The following GRM1 variants were observed in gnomAD, a reference collection of about 807,000 sequenced individuals.
GRM1 encodes the protein metabotropic glutamate receptor 1.
In GRM1, 33 loss-of-function variants were observed where a neutral mutation model predicts 90.9. The ratio of observed to expected loss-of-function variants is 0.36; its 90% confidence interval spans 0.28 to 0.49. The LOEUF (loss-of-function observed/expected upper bound fraction) is 0.49, where lower values mean the gene tolerates loss of function less well. GRM1 is among the 20% of genes least tolerant of loss of function. GRM1 has a pLI of 0.99. For missense variants in GRM1, 1,190 were observed against 1,534.3 expected (o/e 0.78, Z 3.75); for synonymous variants, 700 against 613.2 (o/e 1.14, Z -2.09).
intron 2 of GRM1, among the ~76,000 whole-genome samples, chr6:146,161,140 G>A (rs551261286): frequency 6.6e-6 from 1 of 152,194 alleles, no homozygotes; most frequent in African/African-American, 2.4e-5. Flanking sequence ...ACTGCTTTTA[G>A]GAAGGTTGCT....
intron 2 of GRM1, among the ~76,000 whole-genome samples, chr6:146,268,939 A>T (rs1782014265): frequency 1.3e-5 from 2 of 152,210 alleles, no homozygotes; most frequent in African/African-American, 4.8e-5. Context: ...CCAGAAATAA[A>T]CCCACACACT....
intron 2 of GRM1, among the ~76,000 whole-genome samples, chr6:146,268,372 T>C (rs914310363): frequency 6.6e-6 from 1 of 152,210 alleles, no homozygotes. Context: ...TCCAAAGGCT[T>C]TCTTAATTCC....
At chr6:146,206,372 C>G (rs1779493085) in intron 2 of GRM1, among the ~76,000 whole-genome samples, 1 of 152,024 alleles carries the variant, frequency 6.6e-6, no homozygotes, top group South Asian at 2.1e-4. Context: ...AGTTGCTATC[C>G]CAGGCCTGGG....
At chr6:146,214,141 A>T (rs1171659725) in intron 2 of GRM1, among the ~76,000 whole-genome samples, 2 of 152,154 alleles carry the variant, frequency 1.3e-5, no homozygotes, top group Non-Finnish European at 2.9e-5. Context: ...CAGTCCTCTC[A>T]GACTCATAAG....
At chr6:146,114,246 T>C (rs934843117) in intron 1 of GRM1, among the ~76,000 whole-genome samples, 2 of 152,198 alleles carry the variant, frequency 1.3e-5, no homozygotes, top group East Asian at 3.8e-4. Context: ...TAGAATCTAT[T>C]AAATAGGCAA....
intron 1 of GRM1, among the ~76,000 whole-genome samples, chr6:146,121,898 T>G (rs1217544639): frequency 6.6e-6 from 1 of 152,210 alleles, no homozygotes; most frequent in Admixed American, 6.5e-5. Context: ...CTGAGAAGAA[T>G]GTATATTCTG....
intron 1 of GRM1, among the ~76,000 whole-genome samples, chr6:146,107,290 T>G (rs1361269111): frequency 6.6e-6 from 1 of 151,754 alleles, no homozygotes; most frequent in Non-Finnish European, 1.5e-5. Flanking sequence ...ATAAAATAAA[T>G]AGAAACATCC....
chr6:146,047,043 G>A (rs1226447193), intron 1 of GRM1, among the ~76,000 whole-genome samples: 1 of 151,998 alleles, frequency 6.6e-6, no homozygotes, highest in African/African-American at 2.4e-5. Context: ...TGAGTAAGGT[G>A]CTAACAGGTA....
Position 146,115,249 on chromosome 6 carries a change from T to C in GRM1, c.701-44099T>C, listed in dbSNP as rs534119407. On this transcript the variant is annotated intron_variant, in intron 1 of 7. Coordinates refer to ENST00000282753, the MANE Select transcript of GRM1 (RefSeq NM_001278064.2). ...ACACACACACACACACACACACACA[T>C]ATATATACATATACTATACATGTAC... Among the ~76,000 whole-genome samples the C allele has an allele frequency of 3.6e-3, 534 of 150,292 alleles. 3 individuals are homozygous for C. Among genetic ancestry groups the C allele is most frequent in the African/African-American group, 0.012 (493 of 40,700 alleles).
intron 1 of GRM1, among the ~76,000 whole-genome samples, chr6:146,102,984 T>G (rs993467515): frequency 1.3e-5 from 2 of 152,172 alleles, no homozygotes; most frequent in African/African-American, 2.4e-5. Context: ...GATACCTCAG[T>G]TTTTTCAAAT....
intron 1 of GRM1, among the ~76,000 whole-genome samples, chr6:146,119,288 G>A (rs1367678623): frequency 1.3e-5 from 2 of 152,098 alleles, no homozygotes; most frequent in Admixed American, 6.5e-5. Context: ...TGATGGGGTT[G>A]TTTGTTTTTT....
intron 7 of GRM1, among the ~76,000 whole-genome samples, chr6:146,408,390 T>C (rs1429928875): frequency 1.3e-5 from 2 of 152,156 alleles, no homozygotes; most frequent in Non-Finnish European, 2.9e-5. Context: ...TTAACTTCTA[T>C]GTGTTTCAGT....
At chr6:146,068,251 C>CT (rs1775914287) in intron 1 of GRM1, among the ~76,000 whole-genome samples, 1 of 152,012 alleles carries the variant, frequency 6.6e-6, no homozygotes, top group Admixed American at 6.6e-5. Context: ...GTAGCTGGGA[C>CT]TACAGGCGCC....
At chr6:146,074,220 G>T (rs1422472846) in intron 1 of GRM1, among the ~76,000 whole-genome samples, 1 of 152,138 alleles carries the variant, frequency 6.6e-6, no homozygotes. Flanking sequence ...CTCCTCCCTA[G>T]CATGGGGTTG....
chr6:146,052,663 A>G (rs1775336401), intron 1 of GRM1, among the ~76,000 whole-genome samples: 2 of 152,058 alleles, frequency 1.3e-5, no homozygotes, highest in South Asian at 4.1e-4. Context: ...TCCAGCTGAA[A>G]TCCACTTTCT....
At chr6:146,140,113 CT>C (rs1554272189) in intron 1 of GRM1, among the ~76,000 whole-genome samples, 1 of 116,002 alleles carries the variant, frequency 8.6e-6, no homozygotes, top group Non-Finnish European at 1.8e-5. Context: ...TTCTTTCTTT[CT>C]TTCTTTCTTT....
chr6:146,361,246 C>A (rs1280206629), intron 5 of GRM1, among the ~76,000 whole-genome samples: 1 of 152,120 alleles, frequency 6.6e-6, no homozygotes, highest in East Asian at 1.9e-4. Flanking sequence ...AGAGAGACAG[C>A]AAGAGATGAC....
intron 2 of GRM1, among the ~76,000 whole-genome samples, chr6:146,194,253 T>G (rs780109031): frequency 4.6e-5 from 7 of 152,186 alleles, no homozygotes; most frequent in Non-Finnish European, 1.0e-4. Context: ...TTTCTCCTTT[T>G]TAGAGTCTTC....
intron 1 of GRM1, among the ~76,000 whole-genome samples, chr6:146,157,343 CAG>C (rs1227367003): frequency 1.3e-5 from 2 of 152,238 alleles, no homozygotes; most frequent in Admixed American, 6.5e-5. Context: ...GATATGGAAA[CAG>C]GGAGATTATT....
Sources: gnomAD v4.1 joint callset for allele counts (sites outside exome capture counted in the v4.1 genomes callset) on GRCh38, gnomAD v4.1.1 for gene constraint, MANE v1.5 for transcripts, NCBI Gene and HGNC (gene_info 2026-07-23, HGNC 2026-07-21) for gene names.